ALG9: variants seen among roughly 807,000 people sequenced by gnomAD.
The protein encoded by ALG9 is alpha-1,2-mannosyltransferase ALG9.
Under a neutral mutation model 81.8 loss-of-function variants are expected in ALG9, and 55 were observed. The observed-to-expected ratio is 0.67, with a 90% CI of 0.54 to 0.84. ALG9 has a LOEUF of 0.84. Ranked by LOEUF, ALG9 falls within the 40% of genes least tolerant of loss-of-function variation. The pLI is 0.00. For missense variants in ALG9, 629 were observed against 745.0 expected, an observed-to-expected ratio of 0.84 and a Z score of 1.81; for synonymous variants, 278 against 274.3, an observed-to-expected ratio of 1.01 and a Z score of -0.13.
chr11:111,811,187 A>C (rs1591969361), intron 13 of ALG9, among the ~76,000 whole-genome samples: 2 of 152,238 alleles, frequency 1.3e-5, no homozygotes, highest in East Asian at 3.8e-4. Context: ...ATTTACAAGC[A>C]TTTGAAAATG....
At position 111,847,728 on chromosome 11, in the gene ALG9, C is replaced by T. The variant is rs370844132; in HGVS notation, c.896-3005G>A. ...ATCCTATTCTAAATTTTCTAAGTGC[C>T]AAATGTTCTTTACCTTATCCAAACA... is the stretch of plus-strand genomic sequence containing the variant. On this transcript the variant is annotated intron_variant, in intron 8 of 14. Transcript: ENST00000616540. Among the ~76,000 whole-genome samples, 14 of 152,180 alleles carry T rather than the reference C, an allele frequency of 9.2e-5. No individual in the cohort carries two copies. In the East Asian group the frequency reaches 2.3e-3, roughly 25 times the overall value.
At chr11:111,844,550 C>G (rs781978961) in intron 9 of ALG9, 51 bp downstream of exon 9, 1 of 1,611,854 alleles carries the variant, frequency 6.2e-7, no homozygotes, top group Admixed American at 1.7e-5. Context: ...TGGTATACAC[C>G]ATTACTTGCT....
rs781988506 is a variant in ALG9, at chr11:111,860,600, C to T, written c.512G>A (p.Arg171Gln). ...VCKKFGLHVS[R>Q]MMLAFLVLST... ...GAGAACCAAGAAGGCTAGCATCATT[C>T]GACTCACGTGCAACCCAAACTTCTT... Residue 171 changes from arginine (R) to glutamine (Q), a missense_variant, in exon 5 of 15, where the codon CGA becomes CAA. Arg to Gln is a conservative substitution (Grantham distance 43). This residue lies in a region of ALG9 where 344 missense variants were observed against 390.5 expected (regional missense o/e 0.88). Coordinates refer to ENST00000616540, the MANE Select transcript of ALG9 (RefSeq NM_024740.2). 3.7e-6 allele frequency: 6 copies of T among 1,613,870 alleles called. No individual in the cohort carries two copies. Among genetic ancestry groups the T allele is most frequent in the South Asian group, 1.1e-5 (1 of 91,046 alleles).
At chr11:111,774,610 A>G in the ALG9 span, among the ~76,000 whole-genome samples, 6 of 152,220 alleles carry the variant, frequency 3.9e-5, no homozygotes, top group Non-Finnish European at 4.4e-5. Flanking sequence ...TACTTTGTCT[A>G]AACTCCAGAT....
chr11:111,791,594 G>C (rs1400630055), intron 14 of ALG9, among the ~76,000 whole-genome samples: 1 of 152,166 alleles, frequency 6.6e-6, no homozygotes, highest in African/African-American at 2.4e-5. Flanking sequence ...TCTAGCCCTT[G>C]CCTGATTGTT....
chr11:111,848,953 T>G (rs577622835), intron 8 of ALG9, among the ~76,000 whole-genome samples: 1 of 152,208 alleles, frequency 6.6e-6, no homozygotes, highest in South Asian at 2.1e-4. Context: ...TGTCCTGTAA[T>G]TATCTATTTG....
intron 14 of ALG9, among the ~76,000 whole-genome samples, chr11:111,805,580 C>A (rs925172574): frequency 1.9e-4 from 29 of 152,182 alleles, no homozygotes; most frequent in Admixed American, 1.8e-3. Context: ...CTGTATGATT[C>A]AAGCTATATG....
Position 111,786,363 on chromosome 11 carries a change from A to C in ALG9, c.*34T>G. 1 of 1,613,254 alleles carries C rather than the reference A, an allele frequency of 6.2e-7. No individual in the cohort carries two copies. The highest frequency in any genetic ancestry group is 8.5e-7 in the Non-Finnish European group (1 of 1,179,478). On this transcript the variant is annotated 3_prime_UTR_variant, in exon 15 of 15. Coordinates refer to ENST00000616540, the MANE Select transcript of ALG9 (RefSeq NM_024740.2). ...CAGGTCACTGGAATCAATAGTTAACAAGATGGTTGTCCTTTGGGGCCACAG... is the reference window on the plus strand; with the variant it reads ...CAGGTCACTGGAATCAATAGTTAACCAGATGGTTGTCCTTTGGGGCCACAG...
intron 6 of ALG9, among the ~76,000 whole-genome samples, chr11:111,854,095 C>CT (rs34575358): frequency 0.25 from 28,943 of 117,748 alleles, 4,582 homozygotes; most frequent in Admixed American, 0.28. Context: ...TTATTACAGA[C>CT]TTTTTTTTTT....
At position 111,785,444 on chromosome 11, in the gene ALG9, A is replaced by G. The variant is rs1408152379; in HGVS notation, c.*953T>C. 2 of 153,008 alleles carry G rather than the reference A, an allele frequency of 1.3e-5. No homozygotes were observed. Among genetic ancestry groups the G allele is most frequent in the East Asian group, 3.8e-4 (2 of 5,214 alleles). The allele number at this position is 153,008 out of a possible 1,614,324, so 9.5% of individuals were successfully genotyped here. On this transcript the variant is annotated 3_prime_UTR_variant, in exon 15 of 15. Transcript: ENST00000616540. ...GCAGGATGTGCCTCACAACAGACAG[A>G]ACTAAAAAATAGGTGCTATAAATAT...
In ALG9 at chr11:111,871,360, G is replaced by A. The variant is rs868928099; in HGVS notation, c.123C>T (p.His41=). 31 of 1,530,330 alleles carry A rather than the reference G, an allele frequency of 2.0e-5. No individual in the cohort carries two copies. The highest frequency in any genetic ancestry group is 2.2e-4 in the Middle Eastern group (1 of 4,504). 94.8% of individuals were successfully genotyped at this position (1,530,330 alleles called of 1,614,324 possible). ...LGSREAGGAE[H]RTELSGNKAG... is the part of the protein sequence containing the mutation. The stretch of plus-strand genomic sequence containing the variant: ...CCGCGCCGCACACGTACTCGGTCCG[G>A]TGCTCCGCGCCGCCCGCCTCTCGGC... The change falls in exon 1 of 15, where the codon CAC becomes CAT. Residue 41 remains histidine (H), a synonymous_variant. Coordinates refer to ENST00000616540, the MANE Select transcript of ALG9 (RefSeq NM_024740.2).
chr11:111,870,781 G>C (rs1337692030), intron 1 of ALG9: 3 of 1,007,242 alleles, frequency 3.0e-6, no homozygotes, highest in Non-Finnish European at 3.5e-6. Flanking sequence ...TCACTTGAAG[G>C]CCACAAAGCT....
intron 14 of ALG9, among the ~76,000 whole-genome samples, chr11:111,794,715 G>A (rs1947981024): frequency 6.6e-6 from 1 of 151,942 alleles, no homozygotes. Context: ...AATATCCCCT[G>A]TAAGCCTGTA....
intron 4 of ALG9, among the ~76,000 whole-genome samples, chr11:111,862,859 T>C (rs1363805674): frequency 2.6e-5 from 4 of 152,152 alleles, no homozygotes; most frequent in African/African-American, 9.7e-5. Context: ...TATTTCCCAA[T>C]AAATGAAGTT....
At chr11:111,787,243 C>T (rs1160379423) in intron 14 of ALG9, among the ~76,000 whole-genome samples, 1 of 151,890 alleles carries the variant, frequency 6.6e-6, no homozygotes, top group Non-Finnish European at 1.5e-5. Context: ...CCAGCCAGAC[C>T]AACATGGTGA....
chr11:111,775,796 TCC>T, the ALG9 span, among the ~76,000 whole-genome samples: 7 of 152,126 alleles, frequency 4.6e-5, no homozygotes, highest in African/African-American at 7.2e-5. Context: ...CCGTCTAGGT[TCC>T]CCCAACATAT....
Position 111,838,380 on chromosome 11 carries a change from TG to T in ALG9, c.1192del (p.Gln398ArgfsTer18), listed in dbSNP as rs1955675904. ...TTGAAACACAAAGTGGTAACATTTC[TG>T]GAAGTACAGAAAACTGTGCTGATAA... ...SALQHSFLYF[Q>X]KCYHFVFQRY... On this transcript the variant is annotated frameshift_variant, in exon 11 of 15. Transcript: ENST00000616540. LOFTEE classifies it high-confidence loss of function. The T allele has an allele frequency of 6.2e-7, 1 of 1,612,856 alleles. No homozygotes were observed. The highest frequency in any genetic ancestry group is 8.5e-7 in the Non-Finnish European group (1 of 1,178,914).
chr11:111,828,112 T>C (rs1953696432), intron 13 of ALG9, among the ~76,000 whole-genome samples: 1 of 151,790 alleles, frequency 6.6e-6, no homozygotes, highest in Admixed American at 6.6e-5. Context: ...GGGAATTGCT[T>C]GAACCAGACA....
At chr11:111,851,316 T>C (rs1957778524) in intron 8 of ALG9, among the ~76,000 whole-genome samples, 1 of 151,980 alleles carries the variant, frequency 6.6e-6, no homozygotes, top group Admixed American at 6.6e-5. Flanking sequence ...CCGTCTCTAC[T>C]AAAAATATAA....
Sources: allele counts gnomAD v4.1 joint callset (sites outside exome capture counted in the v4.1 genomes callset), GRCh38; gene constraint gnomAD v4.1.1; regional missense constraint gnomAD v4.1.1; transcripts MANE v1.5; gene names NCBI Gene and HGNC (gene_info 2026-07-23, HGNC 2026-07-21).